Variants in DSC1 observed in about 807,000 individuals in gnomAD.
DSC1 encodes the protein desmocollin-1.
DSC1 carries 79 observed loss-of-function variants against 98.8 expected under a neutral mutation model. The observed-to-expected ratio is 0.80, with a 90% CI of 0.67 to 0.96. The LOEUF (loss-of-function observed/expected upper bound fraction) is 0.96. Ranked by LOEUF, DSC1 falls within the 50% of genes least tolerant of loss-of-function variation. The pLI is 0.00. For missense variants in DSC1, 1,115 were observed against 1,075.9 expected (o/e 1.04, Z -0.51); for synonymous variants, 405 against 372.1 (o/e 1.09, Z -1.02).
intron 13 of DSC1, among the ~76,000 whole-genome samples, chr18:31,133,048 C>A (rs113678954): frequency 1.4e-3 from 211 of 152,150 alleles, no homozygotes; most frequent in Non-Finnish European, 2.2e-3. Context: ...GGCATAAATA[C>A]AAACAAGAAA....
At chr18:31,142,982 G>T (rs1037519137) in intron 8 of DSC1, among the ~76,000 whole-genome samples, 1 of 151,812 alleles carries the variant, frequency 6.6e-6, no homozygotes, top group African/African-American at 2.4e-5. Context: ...GTCTATCACT[G>T]TACTTGCAGG....
At chr18:31,149,548 C>T (rs945766048) in intron 5 of DSC1, among the ~76,000 whole-genome samples, 4 of 152,154 alleles carry the variant, frequency 2.6e-5, no homozygotes, top group African/African-American at 9.7e-5. Flanking sequence ...CAGGTGACTC[C>T]AAATGCATTC....
Position 31,139,891 on chromosome 18 carries a change from C to T in DSC1, c.1521-1G>A. Reference sequence around the variant, plus strand: ...ATCTTCATCCCCTAACTTCTGATACCTAATTTTTAGAAATCAAATATGAAC... The same window carrying T: ...ATCTTCATCCCCTAACTTCTGATACTTAATTTTTAGAAATCAAATATGAAC... On this transcript the variant is annotated splice_acceptor_variant, in intron 10 of 15. Coordinates refer to ENST00000257198, the MANE Select transcript of DSC1 (RefSeq NM_024421.2). LOFTEE classifies it high-confidence loss of function. 1 of 1,593,316 alleles carries T rather than the reference C, an allele frequency of 6.3e-7. No homozygotes were observed. Among genetic ancestry groups the T allele is most frequent in the South Asian group, 1.1e-5 (1 of 87,356 alleles).
At chr18:31,155,966 T>C in intron 4 of DSC1, 77 bp downstream of exon 4, 2 of 1,468,144 alleles carry the variant, frequency 1.4e-6, no homozygotes, top group South Asian at 2.5e-5. Context: ...TGATTCAATA[T>C]GCTGTGCAAT....
At chr18:31,141,431 A>G (rs1988732822) in intron 9 of DSC1, among the ~76,000 whole-genome samples, 1 of 152,190 alleles carries the variant, frequency 6.6e-6, no homozygotes, top group Non-Finnish European at 1.5e-5. Flanking sequence ...AGATGGACTA[A>G]AAAAGAATTA....
intron 2 of DSC1, among the ~76,000 whole-genome samples, chr18:31,159,078 G>C (rs1354725019): frequency 2.4e-5 from 1 of 42,140 alleles, no homozygotes; most frequent in Non-Finnish European, 4.3e-5. Flanking sequence ...ACAGAGTCTT[G>C]CTCTGTCGCC....
At position 31,154,757 on chromosome 18, in the gene DSC1, T is replaced by C. The variant is rs185352090; in HGVS notation, c.627+17A>G. ...TAATAAAGATATAATTATGAATAAA[T>C]ATTTCAATAATCCTACCGCAAACTG... On this transcript the variant is annotated intron_variant, in intron 5 of 15. Transcript: ENST00000257198. The C allele has an allele frequency of 4.8e-4, 749 of 1,574,346 alleles. 2 individuals carry two copies. In the African/African-American group the frequency reaches 8.7e-3, roughly 18 times the overall value.
intron 13 of DSC1, 93 bp downstream of exon 13, chr18:31,133,798 A>G (rs1378169740): frequency 2.3e-5 from 29 of 1,278,150 alleles, no homozygotes; most frequent in Non-Finnish European, 2.8e-5. Flanking sequence ...CACACTTCCC[A>G]AAGGCTATTA....
intron 4 of DSC1, 60 bp downstream of exon 4, chr18:31,155,983 G>A: frequency 6.4e-7 from 1 of 1,567,810 alleles, no homozygotes; most frequent in Non-Finnish European, 8.7e-7. Flanking sequence ...CAATTCAAAT[G>A]AAAAGTTTAA....
chr18:31,135,679 A>G (rs1316046991), intron 11 of DSC1, among the ~76,000 whole-genome samples: 1 of 152,182 alleles, frequency 6.6e-6, no homozygotes, highest in African/African-American at 2.4e-5. Flanking sequence ...GACTTCACAC[A>G]TAGTATTTTT....
At position 31,157,575 on chromosome 18, in the gene DSC1, T is replaced by C. The variant is rs769072772; in HGVS notation, c.149-2A>G. On this transcript the variant is annotated splice_acceptor_variant, in intron 2 of 15. Coordinates refer to ENST00000257198, the MANE Select transcript of DSC1 (RefSeq NM_024421.2). LOFTEE classifies it high-confidence loss of function. ...ACTTGAGACACTCCTCCAGATTCAC[T>C]GCAGGGAAGAAATATCACAGCAGTT... 3.1e-6 allele frequency: 5 copies of C among 1,613,994 alleles called. No homozygotes were observed. The highest frequency in any genetic ancestry group is 4.2e-6 in the Non-Finnish European group (5 of 1,179,988).
intron 2 of DSC1, 98 bp downstream of exon 2, chr18:31,159,347 C>T: frequency 8.0e-7 from 1 of 1,250,302 alleles, no homozygotes; most frequent in Non-Finnish European, 1.1e-6. Flanking sequence ...GCCACCGCGC[C>T]CGGCCTACTA....
intron 3 of DSC1, among the ~76,000 whole-genome samples, 182 bp from the exon 4 acceptor site, chr18:31,156,344 G>A (rs944253317): frequency 3.3e-5 from 5 of 152,010 alleles, no homozygotes; most frequent in African/African-American, 4.8e-5. Flanking sequence ...ATGTTCCCCC[G>A]TTCTACCTAT....
At chr18:31,132,012 A>T in intron 14 of DSC1, 170 bp from the exon 15 acceptor site, 1 of 733,102 alleles carries the variant, frequency 1.4e-6, no homozygotes, top group Non-Finnish European at 2.2e-6. Flanking sequence ...TGAGTCCCCT[A>T]AAAATTCATA....
At chr18:31,137,262 A>G (rs1988631352) in intron 11 of DSC1, among the ~76,000 whole-genome samples, 1 of 152,148 alleles carries the variant, frequency 6.6e-6, no homozygotes, top group African/African-American at 2.4e-5. Flanking sequence ...TACATGCAAA[A>G]TGTTTGCCAC....
At chr18:31,141,946 A>G in intron 9 of DSC1, 53 bp downstream of exon 9, 1 of 1,510,902 alleles carries the variant, frequency 6.6e-7, no homozygotes, top group Non-Finnish European at 8.9e-7. Context: ...TCTTAAAATC[A>G]GTGCGTGAGT....
chr18:31,133,130 A>G (rs1313525529), intron 13 of DSC1, among the ~76,000 whole-genome samples: 6 of 152,208 alleles, frequency 3.9e-5, no homozygotes, highest in Admixed American at 6.5e-5. Context: ...AGGAATATCC[A>G]ATTTAATCTG....
Position 31,134,826 on chromosome 18 carries a change from G to A in DSC1, c.1664-42C>T, listed in dbSNP as rs747144558. The stretch of plus-strand genomic sequence containing the variant: ...ATAGGTTATTTCTTCACATGAAAAT[G>A]CATTTATTTTCAACAATTTATAAAA... On this transcript the variant is annotated intron_variant, in intron 11 of 15. Transcript: ENST00000257198. The A allele has an allele frequency of 3.1e-5, 48 of 1,531,382 alleles. No individual in the cohort carries two copies. The African/African-American group carries it at 5.9e-4, about 19-fold the overall frequency. The allele number at this position is 1,531,382 out of a possible 1,614,324, so 94.9% of individuals were successfully genotyped here. A position where few individuals can be genotyped will look rare whatever the true frequency, so the allele number is the denominator to read the frequency against.
Position 31,153,674 on chromosome 18 carries a change from T to C in DSC1, c.627+1100A>G, listed in dbSNP as rs529554026. 2.0e-5 allele frequency among the ~76,000 whole-genome samples: 3 copies of C among 152,270 alleles called. No individual in the cohort carries two copies. In the East Asian group the frequency reaches 5.8e-4, roughly 29 times the overall value. On this transcript the variant is annotated intron_variant, in intron 5 of 15. Transcript: ENST00000257198. ...ACTCCTTAGGATAAATTATAAGGTC[T>C]TTCCCTCTCTATTTTTTACTTACTA... is the stretch of plus-strand genomic sequence containing the variant.
Sources: allele counts gnomAD v4.1 joint callset (sites outside exome capture counted in the v4.1 genomes callset), GRCh38; gene constraint gnomAD v4.1.1; transcripts MANE v1.5; gene names NCBI Gene and HGNC (gene_info 2026-07-23, HGNC 2026-07-21).